The following ACSS1 variants were observed in gnomAD, a reference collection of about 807,000 sequenced individuals.
ACSS1 encodes acetyl-coenzyme A synthetase 2-like, mitochondrial.
ACSS1 carries 42 observed loss-of-function variants against 75.3 expected under a neutral mutation model. The observed-to-expected ratio is 0.56, with a 90% CI of 0.44 to 0.72. ACSS1 has a LOEUF of 0.72. Ranked by LOEUF, ACSS1 falls within the 30% of genes least tolerant of loss-of-function variation. The pLI is 0.00. For synonymous variants in ACSS1, 380 were observed against 376.8 expected, an observed-to-expected ratio of 1.01 and a Z score of -0.10; for missense variants, 782 against 935.7, an observed-to-expected ratio of 0.84 and a Z score of 2.14.
Position 25,058,019 on chromosome 20 carries a change from C to T in ACSS1, c.84G>A (p.Pro28=). The change falls in exon 1 of 14, where the codon CCG becomes CCA. Residue 28 remains proline (P), a synonymous_variant. Coordinates refer to ENST00000323482, the MANE Select transcript of ACSS1 (RefSeq NM_032501.4). ...CCCTGCGCGGCGCGCTCACCCCGCA[C>T]GGCGGCCGCGCGGGCTGCCCCGAGA... is the stretch of plus-strand genomic sequence containing the variant. ...RGLSGQPARP[P]CGVSAPRRAA... The T allele has an allele frequency of 4.3e-6, 6 of 1,395,688 alleles. No homozygotes were observed. Among genetic ancestry groups the T allele is most frequent in the Non-Finnish European group, 5.5e-6 (6 of 1,081,674 alleles). The allele number at this position is 1,395,688 out of a possible 1,614,324, so 86.5% of individuals were successfully genotyped here. A position where few individuals can be genotyped will look rare whatever the true frequency, so the allele number is the denominator to read the frequency against.
intron 2 of ACSS1, among the ~76,000 whole-genome samples, chr20:25,038,673 G>A (rs1224193816): frequency 1.3e-5 from 2 of 152,172 alleles, no homozygotes; most frequent in East Asian, 3.9e-4. Flanking sequence ...CAGCCTGCCT[G>A]CTCCATGCCC....
intron 1 of ACSS1, among the ~76,000 whole-genome samples, chr20:25,053,331 C>T (rs2089202444): frequency 6.6e-6 from 1 of 151,512 alleles, no homozygotes; most frequent in Admixed American, 6.6e-5. Flanking sequence ...TCCCAAAGTA[C>T]TGGGATTCCA....
chr20:25,019,148 C>T (rs1317288645), intron 7 of ACSS1, among the ~76,000 whole-genome samples: 1 of 152,226 alleles, frequency 6.6e-6, no homozygotes, highest in African/African-American at 2.4e-5. Flanking sequence ...CACTGCCCTG[C>T]ATGCTTCCCC....
chr20:25,033,125 G>A (rs923848708), intron 2 of ACSS1, among the ~76,000 whole-genome samples: 1 of 148,690 alleles, frequency 6.7e-6, no homozygotes, highest in Non-Finnish European at 1.5e-5. Flanking sequence ...GCCTGTGACC[G>A]GCTGAAGAGG....
intron 2 of ACSS1, chr20:25,032,536 G>A (rs1262112618): frequency 1.3e-5 from 16 of 1,252,356 alleles, no homozygotes; most frequent in Non-Finnish European, 1.5e-5. Context: ...AACACAGAAC[G>A]AAGAATGAGG....
chr20:25,038,466 A>G (rs1216696422), intron 2 of ACSS1, among the ~76,000 whole-genome samples: 2 of 152,248 alleles, frequency 1.3e-5, no homozygotes, highest in African/African-American at 2.4e-5. Context: ...GACTGCAGAA[A>G]ATACAAGACA....
intron 12 of ACSS1, 150 bp downstream of exon 12, chr20:25,012,451 A>G: frequency 5.1e-6 from 5 of 978,606 alleles, no homozygotes; most frequent in Non-Finnish European, 7.8e-6. Flanking sequence ...CTCCTCCCCT[A>G]CAGTTTCCAC....
At chr20:25,039,543 A>C (rs1442215558) in intron 2 of ACSS1, among the ~76,000 whole-genome samples, 2 of 152,142 alleles carry the variant, frequency 1.3e-5, no homozygotes, top group Admixed American at 6.5e-5. Flanking sequence ...TTGTCCCCAG[A>C]ATGGAGGACA....
chr20:25,031,021 G>A, intron 2 of ACSS1, 63 bp from the exon 3 acceptor site: 1 of 1,557,456 alleles, frequency 6.4e-7, no homozygotes, highest in Non-Finnish European at 8.8e-7. Flanking sequence ...GAGCAGTTTG[G>A]GGGTGGAGCA....
intron 2 of ACSS1, among the ~76,000 whole-genome samples, chr20:25,039,349 A>C (rs1340875495): frequency 6.6e-6 from 1 of 152,218 alleles, no homozygotes; most frequent in African/African-American, 2.4e-5. Context: ...CCCAAACTTC[A>C]AAAGATTTGC....
intron 2 of ACSS1, among the ~76,000 whole-genome samples, chr20:25,044,195 A>G (rs1191429763): frequency 6.6e-6 from 1 of 152,204 alleles, no homozygotes; most frequent in African/African-American, 2.4e-5. Flanking sequence ...CCAGCTAGGC[A>G]GCAGCCATCT....
chr20:25,052,215 G>C (rs542502603), intron 1 of ACSS1, among the ~76,000 whole-genome samples: 4 of 152,320 alleles, frequency 2.6e-5, no homozygotes, highest in African/African-American at 9.6e-5. Flanking sequence ...GTGGGGAAGA[G>C]AGGGAGGAGG....
In ACSS1 at chr20:25,014,079, G is replaced by T; in HGVS notation, c.1340-6C>A. Reference sequence around the variant, plus strand: ...GATGCAGATGCCACCTGTTTCTGCAGGTATGACAAGAAAGAAATGCATAAT... The same window carrying T: ...GATGCAGATGCCACCTGTTTCTGCATGTATGACAAGAAAGAAATGCATAAT... On this transcript the variant is annotated splice_region_variant and splice_polypyrimidine_tract_variant and intron_variant, in intron 8 of 13. Transcript: ENST00000323482. 1 of 1,598,256 alleles carries T rather than the reference G, an allele frequency of 6.3e-7. No individual in the cohort carries two copies. The highest frequency in any genetic ancestry group is 8.5e-7 in the Non-Finnish European group (1 of 1,172,344).
chr20:25,021,645 G>A (rs2088627785), intron 5 of ACSS1, 109 bp from the exon 6 acceptor site: 2 of 1,390,352 alleles, frequency 1.4e-6, no homozygotes, highest in Non-Finnish European at 1.9e-6. Context: ...AGCTGTGAGA[G>A]GCAGCTGGCT....
chr20:25,037,005 A>AAGGAAGGAAGG lies in ACSS1; in HGVS notation c.432-6048_432-6047insCCTTCCTTCCT, dbSNP rs1555853780. ...AAAGAAAAAGAAAGAAAGAAGAAAG[A>AAGGAAGGAAGG]AAGGAAGGAAGGAAGGAAGGAAGGA... is the stretch of plus-strand genomic sequence containing the variant. On this transcript the variant is annotated intron_variant, in intron 2 of 13. Transcript: ENST00000323482. Among the ~76,000 whole-genome samples, 635 of 131,932 alleles carry AAGGAAGGAAGG rather than the reference A, an allele frequency of 4.8e-3. 11 individuals are homozygous for AAGGAAGGAAGG. The highest frequency in any genetic ancestry group is 0.011 in the African/African-American group (360 of 33,682). 86.6% of individuals were successfully genotyped at this position (131,932 alleles called of 152,430 possible).
chr20:25,034,862 C>T (rs887013966), intron 2 of ACSS1, among the ~76,000 whole-genome samples: 9 of 152,094 alleles, frequency 5.9e-5, no homozygotes, highest in Admixed American at 4.6e-4. Context: ...GCTATCACCA[C>T]GCCAGGCCGA....
chr20:25,019,990 C>T lies in ACSS1; in HGVS notation c.1246+20G>A, dbSNP rs1221101384. Reference sequence around the variant, plus strand: ...TCTAGGGCAAGCACAACCTCTCCTGCTGCAGGGCAGGCCGCTCACCTGACC... The same window carrying T: ...TCTAGGGCAAGCACAACCTCTCCTGTTGCAGGGCAGGCCGCTCACCTGACC... On this transcript the variant is annotated intron_variant, in intron 7 of 13. Transcript: ENST00000323482. 1 of 1,613,898 alleles carries T rather than the reference C, an allele frequency of 6.2e-7. No homozygotes were observed. Among genetic ancestry groups the T allele is most frequent in the Non-Finnish European group, 8.5e-7 (1 of 1,179,972 alleles).
chr20:25,056,481 A>G (rs1320912045), intron 1 of ACSS1, among the ~76,000 whole-genome samples: 1 of 152,216 alleles, frequency 6.6e-6, no homozygotes, highest in Admixed American at 6.5e-5. Context: ...AGTTCCTTCC[A>G]ATTTCTTTGA....
intron 1 of ACSS1, among the ~76,000 whole-genome samples, chr20:25,055,958 G>A (rs551276260): frequency 6.6e-6 from 1 of 152,324 alleles, no homozygotes; most frequent in South Asian, 2.1e-4. Context: ...GAACAGGAGG[G>A]CACGCACATC....
Sources: allele counts gnomAD v4.1 joint callset (sites outside exome capture counted in the v4.1 genomes callset), GRCh38; gene constraint gnomAD v4.1.1; transcripts MANE v1.5; gene names NCBI Gene and HGNC (gene_info 2026-07-23, HGNC 2026-07-21).